The following RFX8 variants were observed in gnomAD, a reference collection of about 807,000 sequenced individuals.
The protein encoded by RFX8 is DNA-binding protein RFX8.
Under a neutral mutation model 54.6 loss-of-function variants are expected in RFX8, and 46 were observed. That is an observed-to-expected ratio of 0.84 (90% CI 0.67 to 1.08). The LOEUF (loss-of-function observed/expected upper bound fraction) is 1.08, where lower values mean the gene tolerates loss of function less well. Among genes scored for constraint, RFX8 ranks in the 50% least tolerant of loss-of-function variants. The probability of loss-of-function intolerance (pLI) is 0.00; values close to 1 mark genes in which losing one functional copy is unlikely to be tolerated. For missense variants in RFX8, 536 were observed against 562.3 expected (o/e 0.95, Z 0.47); for synonymous variants, 192 against 209.5 (o/e 0.92, Z 0.72).
intron 2 of RFX8, among the ~76,000 whole-genome samples, chr2:101,439,913 T>G (rs1233150688): frequency 1.3e-5 from 2 of 152,146 alleles, no homozygotes; most frequent in African/African-American, 4.8e-5. Flanking sequence ...TCAGTTCCAG[T>G]GATCGGTGTG....
chr2:101,419,172 G>GAT (rs1686711923), intron 4 of RFX8, among the ~76,000 whole-genome samples: 1 of 152,168 alleles, frequency 6.6e-6, no homozygotes, highest in African/African-American at 2.4e-5. Context: ...AGTTGGATGG[G>GAT]ATAATGTAGA....
chr2:101,419,163 G>A (rs905203855), intron 4 of RFX8, among the ~76,000 whole-genome samples, 199 bp from the exon 5 acceptor site: 1 of 152,206 alleles, frequency 6.6e-6, no homozygotes, highest in Non-Finnish European at 1.5e-5. Flanking sequence ...GCACCTGCCA[G>A]TTGGATGGGA....
intron 1 of RFX8, chr2:101,474,245 T>C: frequency 1.7e-6 from 1 of 571,948 alleles, no homozygotes; most frequent in Non-Finnish European, 3.1e-6. Context: ...CCCTCGCCGC[T>C]CGACGGCGAG....
intron 2 of RFX8, chr2:101,429,083 G>A (rs377091629): frequency 4.9e-5 from 50 of 1,019,416 alleles, no homozygotes; most frequent in Middle Eastern, 4.0e-4. Context: ...GCAGAAGCAC[G>A]AAGTTTCTTT....
intron 2 of RFX8, among the ~76,000 whole-genome samples, chr2:101,463,337 G>C (rs983799074): frequency 6.6e-6 from 1 of 152,188 alleles, no homozygotes; most frequent in Non-Finnish European, 1.5e-5. Flanking sequence ...GTGTGGGAGG[G>C]GTGTGGGCCC....
intron 2 of RFX8, among the ~76,000 whole-genome samples, chr2:101,465,874 A>T (rs1689547409): frequency 1.3e-5 from 2 of 152,208 alleles, no homozygotes; most frequent in Non-Finnish European, 1.5e-5. Context: ...GCCACCTTTA[A>T]GGGAAACGTC....
At chr2:101,425,822 C>T (rs1476427947) in intron 2 of RFX8, among the ~76,000 whole-genome samples, 1 of 152,090 alleles carries the variant, frequency 6.6e-6, no homozygotes, top group Non-Finnish European at 1.5e-5. Context: ...ACGTGTGGAC[C>T]CTGCAGGAGA....
chr2:101,469,098 ATATATATAAGTG>A lies in RFX8; in HGVS notation c.-52-2210_-52-2199del, dbSNP rs1333814302. Among the ~76,000 whole-genome samples, 143 of 27,752 alleles carry A rather than the reference ATATATATAAGTG, an allele frequency of 5.2e-3. 5 individuals are homozygous for A. The highest frequency in any genetic ancestry group is 9.7e-3 in the African/African-American group (90 of 9,294). 18.2% of individuals were successfully genotyped at this position (27,752 alleles called of 152,430 possible). A position where few individuals can be genotyped will look rare whatever the true frequency, so the allele number is the denominator to read the frequency against. ...TATATAAGTGTATATATATAAGTAT[ATATATATAAGTG>A]TATATATATATAAGTATATATATAT... is the stretch of plus-strand genomic sequence containing the variant. On this transcript the variant is annotated intron_variant, in intron 1 of 11. Coordinates refer to ENST00000428343, the MANE Select transcript of RFX8 (RefSeq NM_001145664.2).
In RFX8 at chr2:101,419,047, C is replaced by T. The variant is rs573865067; in HGVS notation, c.238-83G>A. 11 of 684,770 alleles carry T rather than the reference C, an allele frequency of 1.6e-5. No individual in the cohort carries two copies. In the East Asian group the frequency reaches 2.2e-4, roughly 14 times the overall value. 42.4% of individuals were successfully genotyped at this position (684,770 alleles called of 1,614,324 possible). On this transcript the variant is annotated intron_variant, in intron 4 of 11. Coordinates refer to ENST00000428343, the MANE Select transcript of RFX8 (RefSeq NM_001145664.2). ...CCCCCGCCACAGATACTTCCTTAGC[C>T]CCAGATGACAATGGGATGAATTTTG...
intron 4 of RFX8, among the ~76,000 whole-genome samples, chr2:101,419,664 T>C (rs952539851): frequency 6.6e-6 from 1 of 152,232 alleles, no homozygotes; most frequent in Non-Finnish European, 1.5e-5. Context: ...GTATCTCCCC[T>C]GGTCCTGGTG....
At chr2:101,411,503 A>AG (rs11398640) in intron 8 of RFX8, among the ~76,000 whole-genome samples, 145,003 of 151,948 alleles carry the variant, frequency 0.95, 69,381 homozygotes, top group Non-Finnish European at 1. Flanking sequence ...CGGGCGGGGG[A>AG]GGGGGTGTCT....
chr2:101,402,602 A>C lies in RFX8; in HGVS notation c.1079T>G (p.Leu360Arg). 3.2e-6 allele frequency: 5 copies of C among 1,552,088 alleles called. No homozygotes were observed. The South Asian group carries it at 5.9e-5, about 18-fold the overall frequency. The change falls in exon 11 of 12, where the codon CTT (leucine) becomes CGT (arginine). Residue 360 changes from leucine (L) to arginine (R), a missense_variant. Physicochemically the swap from Leu to Arg is moderately radical, Grantham distance 102. Coordinates refer to ENST00000428343, the MANE Select transcript of RFX8 (RefSeq NM_001145664.2). ...CAGTGAGGAATTCAGAGAATGGAAA[A>C]GTGCCTGGTCTGGCTGGCCGAGAGT... The part of the protein sequence containing the change: ...DPTLGQPDQA[L>R]FHSLNSSLSQ...
intron 2 of RFX8, among the ~76,000 whole-genome samples, chr2:101,463,453 C>T (rs1044953576): frequency 8.5e-5 from 13 of 152,136 alleles, no homozygotes; most frequent in South Asian, 4.1e-4. Context: ...TGGGTTCAGC[C>T]GGCTCATCCA....
chr2:101,469,151 T>C (rs574426020), intron 1 of RFX8, among the ~76,000 whole-genome samples: 11 of 139,378 alleles, frequency 7.9e-5, no homozygotes, highest in African/African-American at 2.7e-4. Context: ...TATATATATA[T>C]ATACACACAC....
At chr2:101,424,378 G>A (rs1687052447) in intron 2 of RFX8, among the ~76,000 whole-genome samples, 1 of 152,196 alleles carries the variant, frequency 6.6e-6, no homozygotes, top group African/African-American at 2.4e-5. Flanking sequence ...ACAGGTGCTG[G>A]AGAGGATGTG....
In RFX8 at chr2:101,418,111, C is replaced by T. The variant is rs1363385426; in HGVS notation, c.352-427G>A. Among the ~76,000 whole-genome samples, 3 of 151,968 alleles carry T rather than the reference C, an allele frequency of 2.0e-5. No individual in the cohort carries two copies. In the East Asian group the frequency reaches 5.8e-4, roughly 29 times the overall value. On this transcript the variant is annotated intron_variant, in intron 5 of 11. Coordinates refer to ENST00000428343, the MANE Select transcript of RFX8 (RefSeq NM_001145664.2). ...TTAACCATCTTGGCCAGGCTGGTCT[C>T]GAACTCCTGACCTCGTGATCCACCC... is the stretch of plus-strand genomic sequence containing the variant.
At chr2:101,414,760 CAG>C in intron 7 of RFX8, 92 bp downstream of exon 7, 1 of 968,012 alleles carries the variant, frequency 1.0e-6, no homozygotes, top group Non-Finnish European at 1.6e-6. Context: ...TCCAGATGGA[CAG>C]AGCAACCACT....
rs1460990539 is a variant in RFX8, at chr2:101,466,856, C to T, written c.-8G>A. 7.7e-6 allele frequency: 12 copies of T among 1,548,742 alleles called. No individual in the cohort carries two copies. The highest frequency in any genetic ancestry group is 2.4e-5 in the East Asian group (1 of 40,908). On this transcript the variant is annotated 5_prime_UTR_variant, in exon 2 of 12. Coordinates refer to ENST00000428343, the MANE Select transcript of RFX8 (RefSeq NM_001145664.2). ...CACGTAAATCTCATACATGAGACAG[C>T]GAGGGACGCTGCACTCTTCGCAAAT... is the stretch of plus-strand genomic sequence containing the variant.
intron 2 of RFX8, among the ~76,000 whole-genome samples, chr2:101,448,504 GC>G (rs1688511919): frequency 6.6e-6 from 1 of 152,156 alleles, no homozygotes; most frequent in South Asian, 2.1e-4. Context: ...AAAGCCCAAC[GC>G]CCTTGTAGGC....
Sources: allele counts gnomAD v4.1 joint callset (sites outside exome capture counted in the v4.1 genomes callset), GRCh38; gene constraint gnomAD v4.1.1; transcripts MANE v1.5; gene names NCBI Gene and HGNC (gene_info 2026-07-23, HGNC 2026-07-21).